The following NCALD variants were observed in gnomAD, a reference collection of about 807,000 sequenced individuals.
NCALD encodes the protein neurocalcin delta, also known as neurocalcin-delta.
A neutral mutation model predicts 18.6 loss-of-function variants in NCALD; 10 were observed. The ratio of observed to expected loss-of-function variants is 0.54; its 90% CI spans 0.33 to 0.91. The LOEUF (loss-of-function observed/expected upper bound fraction) is 0.91, where lower values mean the gene tolerates loss of function less well. NCALD is among the 40% of genes least tolerant of loss of function. NCALD has a pLI of 0.03. For missense variants in NCALD, 184 were observed against 247.6 expected, an observed-to-expected ratio of 0.74 and a Z score of 1.72; for synonymous variants, 88 against 87.4, an observed-to-expected ratio of 1.01 and a Z score of -0.04.
chr8:102,060,379 T>C (rs1262923719), intron 1 of NCALD, among the ~76,000 whole-genome samples: 4 of 152,220 alleles, frequency 2.6e-5, no homozygotes, highest in Non-Finnish European at 5.9e-5. Context: ...ACCCTGGATC[T>C]CTGGTTGTGA....
At chr8:102,103,906 G>A (rs942196919) in intron 1 of NCALD, among the ~76,000 whole-genome samples, 1 of 152,160 alleles carries the variant, frequency 6.6e-6, no homozygotes, top group Non-Finnish European at 1.5e-5. Flanking sequence ...AAATTTGATA[G>A]GCAAAATAAG....
In NCALD at chr8:101,946,093, ATGTCT is replaced by A. The variant is rs541312632; in HGVS notation, c.-156-30240_-156-30236del. Among the ~76,000 whole-genome samples, 844 of 152,308 alleles carry A rather than the reference ATGTCT, an allele frequency of 5.5e-3. 4 individuals are homozygous for A. Among genetic ancestry groups the A allele is most frequent in the Non-Finnish European group, 6.6e-3 (451 of 68,022 alleles). On this transcript the variant is annotated intron_variant, in intron 2 of 6. Transcript: ENST00000311028. ...GCCTTTTACTTTCTTTTGGTTCCCA[ATGTCT>A]TGAATAAAGCAAAGCTCCGTCTTCA... is the stretch of plus-strand genomic sequence containing the variant.
chr8:101,882,601 A>T (rs1816531590), intron 4 of NCALD, among the ~76,000 whole-genome samples: 1 of 152,250 alleles, frequency 6.6e-6, no homozygotes, highest in African/African-American at 2.4e-5. Flanking sequence ...AGAAATAATC[A>T]CTTTGATTCA....
intron 1 of NCALD, among the ~76,000 whole-genome samples, chr8:102,102,787 G>A (rs911388044): frequency 6.6e-6 from 1 of 152,080 alleles, no homozygotes; most frequent in Non-Finnish European, 1.5e-5. Context: ...AAGATCAAGG[G>A]AGAGGAGAGA....
At chr8:101,804,625 TTAATA>T (rs1169258912) in intron 4 of NCALD, among the ~76,000 whole-genome samples, 9 of 131,784 alleles carry the variant, frequency 6.8e-5, no homozygotes, top group African/African-American at 2.6e-4. Flanking sequence ...TAATATATAA[TTAATA>T]TAATTAACTA....
At chr8:101,845,628 T>C (rs779226113) in intron 4 of NCALD, among the ~76,000 whole-genome samples, 6 of 152,218 alleles carry the variant, frequency 3.9e-5, no homozygotes, top group Non-Finnish European at 5.9e-5. Flanking sequence ...AAAAGCTGGG[T>C]AATTGGGATG....
At chr8:101,767,603 G>A (rs1417354903) in intron 1 of NCALD, among the ~76,000 whole-genome samples, 1 of 152,158 alleles carries the variant, frequency 6.6e-6, no homozygotes, top group Non-Finnish European at 1.5e-5. Context: ...CAACTGATCT[G>A]GACTTCTCTC....
chr8:102,007,644 C>A (rs1821758696), intron 2 of NCALD, among the ~76,000 whole-genome samples: 1 of 152,230 alleles, frequency 6.6e-6, no homozygotes, highest in African/African-American at 2.4e-5. Context: ...CATCCCTCGA[C>A]CAGTTGCTGA....
chr8:102,036,282 C>T (rs2132158627), intron 1 of NCALD, among the ~76,000 whole-genome samples: 1 of 151,734 alleles, frequency 6.6e-6, no homozygotes, highest in African/African-American at 2.4e-5. Flanking sequence ...CTAACCACTG[C>T]ACTCCAGACT....
chr8:101,977,081 A>G (rs1401124002), intron 2 of NCALD, among the ~76,000 whole-genome samples: 1 of 152,104 alleles, frequency 6.6e-6, no homozygotes, highest in Non-Finnish European at 1.5e-5. Context: ...AAGAGAAACA[A>G]AGACATTAAA....
intron 2 of NCALD, among the ~76,000 whole-genome samples, chr8:101,937,782 G>A (rs1420155641): frequency 6.6e-6 from 1 of 152,138 alleles, no homozygotes; most frequent in Non-Finnish European, 1.5e-5. Context: ...CATGGTTTCT[G>A]CCCTCATGGA....
At chr8:101,758,765 C>A (rs1237598460) in intron 1 of NCALD, among the ~76,000 whole-genome samples, 2 of 152,188 alleles carry the variant, frequency 1.3e-5, no homozygotes, top group Admixed American at 6.6e-5. Context: ...CAATAGCAGG[C>A]CTGGTGTTTA....
intron 1 of NCALD, among the ~76,000 whole-genome samples, chr8:102,067,459 AC>A (rs1659266775): frequency 6.6e-6 from 1 of 152,024 alleles, no homozygotes; most frequent in Non-Finnish European, 1.5e-5. Flanking sequence ...ACACACACAC[AC>A]ACACACACAC....
upstream of NCALD, among the ~76,000 whole-genome samples, chr8:101,793,132 C>T (rs559134932): frequency 9.2e-5 from 14 of 152,206 alleles, no homozygotes; most frequent in African/African-American, 2.9e-4. Flanking sequence ...CGGTGGATCA[C>T]AAGGTCAGGA....
intron 1 of NCALD, among the ~76,000 whole-genome samples, chr8:102,047,037 T>C (rs930500523): frequency 2.0e-5 from 3 of 152,212 alleles, no homozygotes; most frequent in Admixed American, 6.5e-5. Context: ...CAGGTTCTTA[T>C]CATTTAGCTC....
intron 4 of NCALD, among the ~76,000 whole-genome samples, chr8:101,812,031 G>C (rs1459862971): frequency 6.6e-6 from 1 of 152,182 alleles, no homozygotes; most frequent in Non-Finnish European, 1.5e-5. Context: ...GAGTGGGATG[G>C]TTAATTTACA....
At chr8:101,768,816 T>C (rs1020410380) in intron 1 of NCALD, among the ~76,000 whole-genome samples, 12 of 151,996 alleles carry the variant, frequency 7.9e-5, no homozygotes, top group African/African-American at 2.9e-4. Context: ...ATGTCTGTGG[T>C]AGGCAGAATA....
At chr8:101,781,695 C>T (rs540449927) in intron 1 of NCALD, among the ~76,000 whole-genome samples, 5 of 152,146 alleles carry the variant, frequency 3.3e-5, no homozygotes, top group Non-Finnish European at 7.4e-5. Context: ...AATCTGTGTG[C>T]TACTAGAGTG....
At chr8:102,072,119 T>A (rs759982864) in intron 1 of NCALD, among the ~76,000 whole-genome samples, 9 of 152,224 alleles carry the variant, frequency 5.9e-5, no homozygotes, top group Non-Finnish European at 1.3e-4. Context: ...AAAACTTGAA[T>A]AGGCACTTTA....
Sources: gnomAD v4.1 joint callset for allele counts (sites outside exome capture counted in the v4.1 genomes callset) on GRCh38, gnomAD v4.1.1 for gene constraint, MANE v1.5 for transcripts, NCBI Gene and HGNC (gene_info 2026-07-23, HGNC 2026-07-21) for gene names.